IL1RAPL2: variants seen among roughly 807,000 people sequenced by gnomAD.
IL1RAPL2 encodes X-linked interleukin-1 receptor accessory protein-like 2.
IL1RAPL2 carries 3 observed loss-of-function variants against 44.1 expected under a neutral mutation model. That is an observed-to-expected ratio of 0.07 (90% CI 0.03 to 0.18). The LOEUF is 0.18. Ranked by LOEUF, IL1RAPL2 falls within the 10% of genes least tolerant of loss-of-function variation. The pLI is 1.00. For missense variants in IL1RAPL2, 391 were observed against 496.4 expected (o/e 0.79, Z 2.02); for synonymous variants, 181 against 178.8 (o/e 1.01, Z -0.10).
chrX:105,167,734 G>A (rs938732101), intron 2 of IL1RAPL2, among the ~76,000 whole-genome samples: 6 of 107,949 alleles, frequency 5.6e-5, no homozygotes, highest in Non-Finnish European at 1.1e-4. Flanking sequence ...GAGAGGCAGG[G>A]AAAGAACATG....
intron 2 of IL1RAPL2, among the ~76,000 whole-genome samples, chrX:104,931,648 A>G (rs1007923995): frequency 2.7e-5 from 3 of 111,808 alleles, no homozygotes; most frequent in African/African-American, 6.5e-5. Context: ...TATTTTATCT[A>G]CTTCTGAAAT....
intron 2 of IL1RAPL2, among the ~76,000 whole-genome samples, chrX:104,843,478 C>G (rs187906038): frequency 1.8e-5 from 2 of 111,122 alleles, no homozygotes; most frequent in African/African-American, 3.3e-5. Context: ...GTGGCTACCT[C>G]GGTGCCTGCT....
intron 6 of IL1RAPL2, among the ~76,000 whole-genome samples, chrX:105,716,337 G>T (rs1229635556): frequency 8.9e-6 from 1 of 112,336 alleles, no homozygotes; most frequent in African/African-American, 3.2e-5. Context: ...TATTTAACAA[G>T]AACCTGTTTA....
chrX:105,465,263 C>T (rs1180632469), intron 5 of IL1RAPL2, among the ~76,000 whole-genome samples: 1 of 111,934 alleles, frequency 8.9e-6, no homozygotes, highest in Non-Finnish European at 1.9e-5. Flanking sequence ...GCTTCCTTTT[C>T]CATCTTCGAC....
At chrX:105,166,868 T>C (rs1281687025) in intron 2 of IL1RAPL2, among the ~76,000 whole-genome samples, 1 of 112,201 alleles carries the variant, frequency 8.9e-6, no homozygotes, top group Non-Finnish European at 1.9e-5. Context: ...GGAGAAGTCT[T>C]CTTGGTTGTG....
At chrX:104,668,283 A>G (rs1166036201) in intron 2 of IL1RAPL2, among the ~76,000 whole-genome samples, 1 of 110,517 alleles carries the variant, frequency 9.0e-6, no homozygotes, top group Non-Finnish European at 1.9e-5. Flanking sequence ...TTGCTGAGAC[A>G]TTCTAGCTCT....
At chrX:105,374,077 C>T (rs1191266048) in intron 5 of IL1RAPL2, among the ~76,000 whole-genome samples, 1 of 103,649 alleles carries the variant, frequency 9.6e-6, no homozygotes, top group Non-Finnish European at 2.0e-5. Context: ...CAAGATCACA[C>T]CACTGCACTT....
At chrX:104,761,845 TCTTCTCCTTCTCCTTCTC>T (rs1307424877) in intron 2 of IL1RAPL2, among the ~76,000 whole-genome samples, 68 of 53,853 alleles carry the variant, frequency 1.3e-3, no homozygotes, top group Middle Eastern at 8.8e-3. Flanking sequence ...TCCTTCTCCT[TCTTCTCCTTCTCCTTCTC>T]CTTCTCCTTC....
At chrX:104,606,088 C>T (rs1401960584) in intron 1 of IL1RAPL2, among the ~76,000 whole-genome samples, 1 of 111,924 alleles carries the variant, frequency 8.9e-6, no homozygotes, top group Non-Finnish European at 1.9e-5. Context: ...ACTGGCAAAC[C>T]AAATCCAGCA....
At chrX:105,058,215 C>G (rs566126244) in intron 2 of IL1RAPL2, among the ~76,000 whole-genome samples, 1 of 110,362 alleles carries the variant, frequency 9.1e-6, no homozygotes, top group Non-Finnish European at 1.9e-5. Context: ...CCTTCTAAAG[C>G]GCTGGGATTA....
At chrX:105,559,234 A>G (rs2036916369) in intron 6 of IL1RAPL2, among the ~76,000 whole-genome samples, 2 of 112,044 alleles carry the variant, frequency 1.8e-5, no homozygotes, top group Non-Finnish European at 3.8e-5. Flanking sequence ...GATAGCCACA[A>G]ATGTATACTT....
chrX:105,086,421 G>C (rs1035878998), intron 2 of IL1RAPL2, among the ~76,000 whole-genome samples: 1 of 111,503 alleles, frequency 9.0e-6, no homozygotes, highest in African/African-American at 3.3e-5. Context: ...CTTATACATG[G>C]AATCTAAAAC....
At chrX:104,662,421 T>C (rs1930418511) in intron 2 of IL1RAPL2, among the ~76,000 whole-genome samples, 1 of 112,022 alleles carries the variant, frequency 8.9e-6, no homozygotes, top group Non-Finnish European at 1.9e-5. Flanking sequence ...ATAACACTCC[T>C]TCAGTATTCA....
intron 2 of IL1RAPL2, among the ~76,000 whole-genome samples, chrX:104,947,720 C>T (rs1277488365): frequency 1.8e-5 from 2 of 111,392 alleles, no homozygotes; most frequent in African/African-American, 3.3e-5. Flanking sequence ...AAAGATCAGA[C>T]AGTTGTAGAT....
At chrX:105,604,293 T>C (rs1229849432) in intron 6 of IL1RAPL2, among the ~76,000 whole-genome samples, 1 of 109,209 alleles carries the variant, frequency 9.2e-6, no homozygotes, top group Non-Finnish European at 1.9e-5. Flanking sequence ...AAGACACAAA[T>C]AAATAAAAAA....
chrX:104,898,435 T>C (rs1375807603), intron 2 of IL1RAPL2, among the ~76,000 whole-genome samples: 2 of 112,481 alleles, frequency 1.8e-5, no homozygotes, highest in African/African-American at 6.5e-5. Flanking sequence ...CCAAGCTAAA[T>C]TGAATTTAAA....
At chrX:105,058,093 C>T (rs1169888195) in intron 2 of IL1RAPL2, among the ~76,000 whole-genome samples, 4 of 108,362 alleles carry the variant, frequency 3.7e-5, no homozygotes, top group African/African-American at 6.9e-5. Context: ...GGACTACAGG[C>T]GCCTGCCACC....
chrX:104,726,099 A>G (rs779464352), intron 2 of IL1RAPL2, among the ~76,000 whole-genome samples: 6 of 111,684 alleles, frequency 5.4e-5, no homozygotes, highest in Non-Finnish European at 1.1e-4. Context: ...AGTTTTTTAC[A>G]TATGGCTAGC....
At chrX:105,261,385 A>G (rs745385126) in intron 4 of IL1RAPL2, among the ~76,000 whole-genome samples, 2 of 111,752 alleles carry the variant, frequency 1.8e-5, no homozygotes, top group South Asian at 3.7e-4. Flanking sequence ...CTTTTCCTCT[A>G]TGGGCCACAC....
Sources: allele counts gnomAD v4.1 joint callset (sites outside exome capture counted in the v4.1 genomes callset), GRCh38; gene constraint gnomAD v4.1.1; transcripts MANE v1.5; gene names NCBI Gene and HGNC (gene_info 2026-07-23, HGNC 2026-07-21).